The following MED12L variants were observed in gnomAD, a reference collection of about 807,000 sequenced individuals.
MED12L encodes the protein mediator of RNA polymerase II transcription subunit 12-like protein.
A neutral mutation model predicts 281.3 loss-of-function variants in MED12L; 60 were observed. That is an observed-to-expected ratio of 0.21 (90% CI 0.17 to 0.26). The LOEUF is 0.26. Among genes scored for constraint, MED12L ranks in the 10% least tolerant of loss-of-function variants. MED12L has a pLI of 1.00. For missense variants in MED12L, 2,146 were observed against 2,680.9 expected (o/e 0.80, Z 4.41); for synonymous variants, 974 against 987.2 (o/e 0.99, Z 0.25).
chr3:151,412,278 T>C (rs1206840079), intron 41 of MED12L, among the ~76,000 whole-genome samples: 1 of 152,246 alleles, frequency 6.6e-6, no homozygotes, highest in African/African-American at 2.4e-5. Flanking sequence ...CTGCAGTTTC[T>C]CTGTGGAAAT....
chr3:151,338,381 G>A, intron 16 of MED12L: 1 of 1,614,092 alleles, frequency 6.2e-7, no homozygotes, highest in Non-Finnish European at 8.5e-7. Context: ...TAGGCAAAGA[G>A]AGTAAGAACA....
intron 28 of MED12L, among the ~76,000 whole-genome samples, 166 bp downstream of exon 28, chr3:151,376,380 T>C (rs1249552064): frequency 2.6e-5 from 4 of 152,206 alleles, no homozygotes; most frequent in Admixed American, 1.3e-4. Context: ...TGGGTGGATG[T>C]ACATGCTGCA....
At chr3:151,110,696 G>C (rs983477061) in intron 2 of MED12L, among the ~76,000 whole-genome samples, 1 of 152,178 alleles carries the variant, frequency 6.6e-6, no homozygotes, top group Non-Finnish European at 1.5e-5. Flanking sequence ...GTGTTCTATA[G>C]GAAGTTAAAG....
In MED12L at chr3:151,388,143, C is replaced by G; in HGVS notation, c.5422C>G (p.Arg1808Gly). 1 of 1,605,106 alleles carries G rather than the reference C, an allele frequency of 6.2e-7. No homozygotes were observed. The highest frequency in any genetic ancestry group is 8.5e-7 in the Non-Finnish European group (1 of 1,178,530). The change falls in exon 37 of 45, where the codon CGC becomes GGC. Residue 1808 changes from arginine to glycine, a missense_variant. By Grantham distance (125) the Arg-to-Gly change is moderately radical (BLOSUM62 -2). Around this residue, in one of 9 missense-constraint regions of MED12L, gnomAD observed 496 missense variants for 512.0 expected, o/e 0.97. Transcript: ENST00000687756. ...DEEKKTKGRK[R>G]KTKSSSRVDE... ...AGAAAAGAAAACAAAAGGAAGGAAG[C>G]GCAAGACGAAATCTAGCTCAAGAGT...
rs1308496489 is a variant in MED12L at position 151,436,100 on chromosome 3, TGCATTTATTTTTAAATGCA to T, written c.*3298_*3316del. The stretch of plus-strand genomic sequence containing the variant: ...CTTTTTACATGTGGAAAAGTGAGCC[TGCATTTATTTTTAAATGCA>T]GTTATTAAAACATTTTTGTATTCCC... On this transcript the variant is annotated 3_prime_UTR_variant, in exon 45 of 45. Transcript: ENST00000687756. The T allele has an allele frequency of 2.0e-5, 3 of 152,332 alleles. No individual in the cohort carries two copies. Among genetic ancestry groups the T allele is most frequent in the Non-Finnish European group, 4.4e-5 (3 of 68,108 alleles). The allele number at this position is 152,332 out of a possible 1,614,324, so 9.4% of individuals were successfully genotyped here.
At chr3:151,286,876 T>C (rs922615039) in intron 16 of MED12L, among the ~76,000 whole-genome samples, 1 of 152,222 alleles carries the variant, frequency 6.6e-6, no homozygotes, top group African/African-American at 2.4e-5. Flanking sequence ...AAGTGTATGA[T>C]TGATTGGCTT....
intron 13 of MED12L, among the ~76,000 whole-genome samples, chr3:151,190,465 C>T (rs1203139324): frequency 6.6e-6 from 1 of 152,130 alleles, no homozygotes; most frequent in Non-Finnish European, 1.5e-5. Flanking sequence ...AGCCACTGCA[C>T]CCAGCCAGGA....
At chr3:151,268,059 G>C (rs1740174711) in intron 16 of MED12L, among the ~76,000 whole-genome samples, 1 of 152,158 alleles carries the variant, frequency 6.6e-6, no homozygotes, top group South Asian at 2.1e-4. Flanking sequence ...AGCTGGAAAT[G>C]CTCTGTTTTA....
Position 151,372,584 on chromosome 3 carries a change from A to T in MED12L, c.3682A>T (p.Asn1228Tyr), listed in dbSNP as rs770738779. 1 of 1,613,794 alleles carries T rather than the reference A, an allele frequency of 6.2e-7. No homozygotes were observed. The highest frequency in any genetic ancestry group is 1.7e-5 in the Admixed American group (1 of 60,018). ...TTACTTAGGAGATGCCAAAATTGGC[A>T]ATAACAGTGTCAGCTCTTTAAAGAA... ...IMMLGDAKIG[N>Y]NSVSSLKNDD... The change falls in exon 27 of 45, where the codon AAT becomes TAT. Residue 1228 changes from asparagine (N) to tyrosine (Y), a missense_variant. This residue lies in a region of MED12L where 235 missense variants were observed against 260.3 expected (regional missense o/e 0.90). Transcript: ENST00000687756.
At chr3:151,344,861 T>C (rs551602756) in intron 16 of MED12L, among the ~76,000 whole-genome samples, 2 of 152,322 alleles carry the variant, frequency 1.3e-5, no homozygotes, top group South Asian at 2.1e-4. Context: ...GGTGAAAGGA[T>C]AATACACAGC....
At chr3:151,253,978 T>C (rs1737316224) in intron 16 of MED12L, among the ~76,000 whole-genome samples, 1 of 148,752 alleles carries the variant, frequency 6.7e-6, no homozygotes, top group Admixed American at 6.8e-5. Flanking sequence ...ATATACCTTC[T>C]TTTTGTTTTG....
At chr3:151,128,019 T>C in intron 5 of MED12L, 35 bp downstream of exon 5, 1 of 1,575,474 alleles carries the variant, frequency 6.3e-7, no homozygotes, top group Non-Finnish European at 8.7e-7. Flanking sequence ...TTACATTTCA[T>C]TATTGATTTT....
intron 39 of MED12L, among the ~76,000 whole-genome samples, chr3:151,395,804 T>C (rs16863359): frequency 0.079 from 11,980 of 152,284 alleles, 663 homozygotes; most frequent in Middle Eastern, 0.18. Context: ...ATAACCATAA[T>C]ACTTTCAACA....
intron 16 of MED12L, among the ~76,000 whole-genome samples, chr3:151,195,094 T>C (rs1467022681): frequency 2.0e-5 from 3 of 150,128 alleles, no homozygotes; most frequent in African/African-American, 7.4e-5. Context: ...ACCCCAGAGG[T>C]GGACCTTGCA....
intron 5 of MED12L, 81 bp downstream of exon 5, chr3:151,128,065 C>A: frequency 7.9e-7 from 1 of 1,270,834 alleles, no homozygotes; most frequent in Non-Finnish European, 1.1e-6. Flanking sequence ...TGGATACAGC[C>A]CAGCATGGTG....
chr3:151,347,237 T>C (rs1438613507), intron 16 of MED12L, among the ~76,000 whole-genome samples: 2 of 152,204 alleles, frequency 1.3e-5, no homozygotes, highest in African/African-American at 4.8e-5. Flanking sequence ...ACAAAACTAA[T>C]TTTTCTCCTT....
intron 42 of MED12L, among the ~76,000 whole-genome samples, chr3:151,415,729 TG>T (rs1717464603): frequency 6.6e-6 from 1 of 152,228 alleles, no homozygotes; most frequent in South Asian, 2.1e-4. Flanking sequence ...ATGTCTGGTC[TG>T]TGCTTTTTCT....
chr3:151,167,389 T>C (rs1720858085), intron 11 of MED12L, among the ~76,000 whole-genome samples: 1 of 152,232 alleles, frequency 6.6e-6, no homozygotes, highest in Admixed American at 6.5e-5. Flanking sequence ...TTCAATACCT[T>C]AGTTAGCTGA....
rs531773659 is a variant in MED12L, at chr3:151,365,629, ATTATTGT to A, written c.3186-218_3186-212del. On this transcript the variant is annotated intron_variant, in intron 22 of 44. Transcript: ENST00000687756. Reference sequence around the variant, plus strand: ...AATATTCTAATTCGTGTATGTACTGATTATTGTTTGTTGCTTAACAGCATTGTCAAAA... The same window carrying A: ...AATATTCTAATTCGTGTATGTACTGATTGTTGCTTAACAGCATTGTCAAAA... Among the ~76,000 whole-genome samples the A allele has an allele frequency of 6.7e-3, 1,022 of 152,286 alleles. 9 individuals carry two copies. The highest frequency in any genetic ancestry group is 0.023 in the South Asian group (111 of 4,832).
Sources: gnomAD v4.1 joint callset for allele counts (sites outside exome capture counted in the v4.1 genomes callset) on GRCh38, gnomAD v4.1.1 for gene constraint, gnomAD v4.1.1 regional missense constraint, MANE v1.5 for transcripts, NCBI Gene and HGNC (gene_info 2026-07-23, HGNC 2026-07-21) for gene names.